IL27RA: variants seen among roughly 807,000 people sequenced by gnomAD.
IL27RA encodes interleukin-27 receptor subunit alpha.
A neutral mutation model predicts 80.8 loss-of-function variants in IL27RA; 61 were observed. The observed-to-expected ratio is 0.76, with a 90% CI of 0.61 to 0.93. The LOEUF is 0.93. Among genes scored for constraint, IL27RA ranks in the 40% least tolerant of loss-of-function variants. The probability of loss-of-function intolerance (pLI) is 0.00; values close to 1 mark genes in which losing one functional copy is unlikely to be tolerated. For synonymous variants in IL27RA, 316 were observed against 332.5 expected (o/e 0.95, Z 0.54); for missense variants, 735 against 808.1 (o/e 0.91, Z 1.10).
At chr19:14,034,212 C>G (rs777993280) in intron 2 of IL27RA, among the ~76,000 whole-genome samples, 4 of 152,058 alleles carry the variant, frequency 2.6e-5, no homozygotes, top group Non-Finnish European at 5.9e-5. Flanking sequence ...GCCCACAGTC[C>G]AAGGACTCCA....
chr19:14,032,974 A>G (rs1321166228), intron 2 of IL27RA, among the ~76,000 whole-genome samples: 1 of 151,736 alleles, frequency 6.6e-6, no homozygotes, highest in African/African-American at 2.4e-5. Flanking sequence ...TTTCTCTATT[A>G]AATAGCAATC....
chr19:14,051,988 C>A lies in IL27RA; in HGVS notation c.1716+15C>A. ...CCCACATGGAGGTGAGTCAAAGGGC[C>A]GGCTAGTCGGAGCCCTCTGGGGGAC... On this transcript the variant is annotated intron_variant, in intron 13 of 13. Coordinates refer to ENST00000263379, the MANE Select transcript of IL27RA (RefSeq NM_004843.4). The A allele has an allele frequency of 6.4e-7, 1 of 1,563,004 alleles. No homozygotes were observed. The highest frequency in any genetic ancestry group is 2.4e-5 in the East Asian group (1 of 42,512).
intron 2 of IL27RA, among the ~76,000 whole-genome samples, 187 bp from the exon 3 acceptor site, chr19:14,039,320 TG>T: frequency 6.6e-6 from 1 of 151,798 alleles, no homozygotes; most frequent in Non-Finnish European, 1.5e-5. Context: ...ACCCTCATTT[TG>T]TAGATGAGGA....
At chr19:14,035,754 T>A (rs1438843662) in intron 2 of IL27RA, among the ~76,000 whole-genome samples, 1 of 151,980 alleles carries the variant, frequency 6.6e-6, no homozygotes, top group African/African-American at 2.4e-5. Flanking sequence ...TCTTTTCTAT[T>A]TTTATTTTAG....
chr19:14,032,222 G>A (rs1474611472), intron 1 of IL27RA, among the ~76,000 whole-genome samples, 164 bp from the exon 2 acceptor site: 2 of 152,186 alleles, frequency 1.3e-5, no homozygotes, highest in Non-Finnish European at 2.9e-5. Flanking sequence ...GGAAAGGGGG[G>A]GTTTGCACGG....
intron 6 of IL27RA, among the ~76,000 whole-genome samples, chr19:14,043,075 A>G (rs1178227152): frequency 2.0e-5 from 3 of 150,556 alleles, no homozygotes; most frequent in Non-Finnish European, 3.0e-5. Context: ...CCAGGAGGTG[A>G]AGGTTGCAGT....
At chr19:14,041,983 G>A (rs1464118202) in intron 4 of IL27RA, among the ~76,000 whole-genome samples, 1 of 151,986 alleles carries the variant, frequency 6.6e-6, no homozygotes, top group Non-Finnish European at 1.5e-5. Context: ...GGCGGATCAC[G>A]AGGTCAGGAG....
At chr19:14,035,630 G>A (rs1975886307) in intron 2 of IL27RA, among the ~76,000 whole-genome samples, 1 of 149,970 alleles carries the variant, frequency 6.7e-6, no homozygotes, top group East Asian at 2.0e-4. Context: ...CCCGACCTCA[G>A]GTGATCCACC....
chr19:14,047,749 G>A (rs931335223), intron 8 of IL27RA, among the ~76,000 whole-genome samples: 7 of 150,378 alleles, frequency 4.7e-5, no homozygotes, highest in African/African-American at 1.7e-4. Flanking sequence ...CACCTCCTGG[G>A]TTCACGCCAT....
intron 2 of IL27RA, among the ~76,000 whole-genome samples, chr19:14,035,978 C>T (rs1012229031): frequency 6.7e-6 from 1 of 150,332 alleles, no homozygotes; most frequent in Non-Finnish European, 1.5e-5. Context: ...TGGTAGCTCA[C>T]GTCTGTAATC....
In IL27RA at chr19:14,052,255, C is replaced by A. The variant is rs1174550622; in HGVS notation, c.1876C>A (p.Leu626Ile). The A allele has an allele frequency of 1.3e-6, 2 of 1,546,994 alleles. No homozygotes were observed. Among genetic ancestry groups the A allele is most frequent in the Non-Finnish European group, 1.7e-6 (2 of 1,149,800 alleles). The change falls in exon 14 of 14, where the codon CTT becomes ATT. Residue 626 changes from leucine to isoleucine, a missense_variant. Physicochemically the swap from Leu to Ile is conservative, Grantham distance 5. Transcript: ENST00000263379. ...HFLPTPEELG[L>I]LGPPRPQVLA ...CCTGCCCACACCTGAGGAGCTGGGC[C>A]TTCTGGGGCCCCCCAGGCCACAGGT...
At chr19:14,049,441 T>C in intron 10 of IL27RA, 127 bp downstream of exon 10, 1 of 829,564 alleles carries the variant, frequency 1.2e-6, no homozygotes. Flanking sequence ...CTCAATTCCC[T>C]CTTGGCTATC....
chr19:14,050,136 G>A (rs555549931), intron 10 of IL27RA, among the ~76,000 whole-genome samples: 1 of 152,224 alleles, frequency 6.6e-6, no homozygotes, highest in African/African-American at 2.4e-5. Context: ...GTTGCAGTGA[G>A]CCAAGATCAT....
chr19:14,052,337 A>T lies in IL27RA; in HGVS notation c.*47A>T. 1 of 1,391,600 alleles carries T rather than the reference A, an allele frequency of 7.2e-7. No homozygotes were observed. The highest frequency in any genetic ancestry group is 9.5e-7 in the Non-Finnish European group (1 of 1,049,886). 86.2% of individuals were successfully genotyped at this position (1,391,600 alleles called of 1,614,324 possible). A position where few individuals can be genotyped will look rare whatever the true frequency, so the allele number is the denominator to read the frequency against. On this transcript the variant is annotated 3_prime_UTR_variant, in exon 14 of 14. Transcript: ENST00000263379. ...TGCCAGCCAGGCTAGAGGGATGCTC[A>T]TGCAGGTTGCACCCCAGTCCTGGAT...
chr19:14,052,414 T>C lies in IL27RA; in HGVS notation c.*124T>C. On this transcript the variant is annotated 3_prime_UTR_variant, in exon 14 of 14. Coordinates refer to ENST00000263379, the MANE Select transcript of IL27RA (RefSeq NM_004843.4). The stretch of plus-strand genomic sequence containing the variant: ...GAGGACTCAGAGAGGCTGAGTCACT[T>C]ACCTGAGGACACCCAGCCAGGCAGA... 2.6e-6 allele frequency: 2 copies of C among 771,148 alleles called. No homozygotes were observed. Among genetic ancestry groups the C allele is most frequent in the Non-Finnish European group, 3.9e-6 (2 of 516,080 alleles). The allele number at this position is 771,148 out of a possible 1,614,324, so 47.8% of individuals were successfully genotyped here. A position where few individuals can be genotyped will look rare whatever the true frequency, so the allele number is the denominator to read the frequency against.
At position 14,052,391 on chromosome 19, in the gene IL27RA, GGAC is replaced by G; in HGVS notation, c.*102_*104del. On this transcript the variant is annotated 3_prime_UTR_variant, in exon 14 of 14. Coordinates refer to ENST00000263379, the MANE Select transcript of IL27RA (RefSeq NM_004843.4). ...CCCTCTTGATGGATGAAGACACTGA[GGAC>G]TCAGAGAGGCTGAGTCACTTACCTG... 1.0e-6 allele frequency: 1 copy of G among 988,192 alleles called. No individual in the cohort carries two copies. Among genetic ancestry groups the G allele is most frequent in the Non-Finnish European group, 1.4e-6 (1 of 703,332 alleles). 61.2% of individuals were successfully genotyped at this position (988,192 alleles called of 1,614,324 possible). A position where few individuals can be genotyped will look rare whatever the true frequency, so the allele number is the denominator to read the frequency against.
chr19:14,038,698 A>G (rs890688549), intron 2 of IL27RA, among the ~76,000 whole-genome samples: 7 of 151,950 alleles, frequency 4.6e-5, no homozygotes, highest in South Asian at 2.1e-4. Context: ...CAGCCTGACC[A>G]ACATGGAGAA....
chr19:14,032,804 TCAAAAAAAA>T (rs1568497912), intron 2 of IL27RA, among the ~76,000 whole-genome samples: 1 of 58,110 alleles, frequency 1.7e-5, no homozygotes, highest in Admixed American at 2.2e-4. Context: ...AGACTCTGTC[TCAAAAAAAA>T]AAAAAAAAAA....
chr19:14,049,039 C>G lies in IL27RA; in HGVS notation c.1200C>G (p.Gly400=). 1 of 1,614,020 alleles carries G rather than the reference C, an allele frequency of 6.2e-7. No homozygotes were observed. Among genetic ancestry groups the G allele is most frequent in the South Asian group, 1.1e-5 (1 of 91,082 alleles). ...CTGTGACCGCAGTCTCTGCTTCAGG[C>G]TTGGCCTCTGCATCCTCCGTCTGGG... ...RITVTAVSAS[G]LASASSVWGF... is the part of the protein sequence containing the mutation. Residue 400 remains glycine, a synonymous_variant, in exon 9 of 14, where the codon GGC becomes GGG. Coordinates refer to ENST00000263379, the MANE Select transcript of IL27RA (RefSeq NM_004843.4).
Sources: gnomAD v4.1 joint callset for allele counts (sites outside exome capture counted in the v4.1 genomes callset) on GRCh38, gnomAD v4.1.1 for gene constraint, MANE v1.5 for transcripts, NCBI Gene and HGNC (gene_info 2026-07-23, HGNC 2026-07-21) for gene names.